The following CHST11 variants were observed in gnomAD, a reference collection of about 807,000 sequenced individuals.
The protein encoded by CHST11 is carbohydrate sulfotransferase 11, also known as C4S-1.
Under a neutral mutation model 30.4 loss-of-function variants are expected in CHST11, and 9 were observed. The observed-to-expected ratio is 0.30, with a 90% CI of 0.18 to 0.52. CHST11 has a LOEUF of 0.52. Among genes scored for constraint, CHST11 ranks in the 20% least tolerant of loss-of-function variants. The pLI is 0.97. For missense variants in CHST11, 348 were observed against 460.6 expected (o/e 0.76, Z 2.24); for synonymous variants, 152 against 187.8 (o/e 0.81, Z 1.56).
intron 1 of CHST11, among the ~76,000 whole-genome samples, chr12:104,464,018 A>T (rs926237112): frequency 2.0e-5 from 3 of 151,652 alleles, no homozygotes; most frequent in Admixed American, 1.3e-4. Context: ...GGCAAGGAAT[A>T]AGGGTGGAAG....
chr12:104,459,442 A>G (rs951711847), intron 1 of CHST11, among the ~76,000 whole-genome samples: 3 of 152,214 alleles, frequency 2.0e-5, no homozygotes, highest in Non-Finnish European at 4.4e-5. Context: ...AATGCCAGTA[A>G]TGCTCTGTAC....
At chr12:104,663,961 C>T (rs1050470510) in intron 2 of CHST11, among the ~76,000 whole-genome samples, 1 of 152,186 alleles carries the variant, frequency 6.6e-6, no homozygotes, top group Admixed American at 6.5e-5. Flanking sequence ...ATAATTTCAG[C>T]AGCCCCTGTC....
At chr12:104,744,885 ATTTT>A (rs1566062725) in intron 2 of CHST11, among the ~76,000 whole-genome samples, 6 of 125,566 alleles carry the variant, frequency 4.8e-5, no homozygotes, top group Non-Finnish European at 3.4e-5. Context: ...TTATTTATTT[ATTTT>A]TTGAGACAGA....
At chr12:104,489,201 T>C (rs988220741) in intron 1 of CHST11, among the ~76,000 whole-genome samples, 3 of 152,048 alleles carry the variant, frequency 2.0e-5, no homozygotes, top group Admixed American at 1.3e-4. Context: ...CATTCCCAGC[T>C]AATTTTTGTA....
chr12:104,608,710 G>C (rs541411216), intron 2 of CHST11, among the ~76,000 whole-genome samples: 2 of 152,124 alleles, frequency 1.3e-5, no homozygotes, highest in African/African-American at 4.8e-5. Context: ...AAGCATACAT[G>C]CTGAGGTTGT....
intron 2 of CHST11, among the ~76,000 whole-genome samples, chr12:104,721,089 C>G (rs149696379): frequency 3.3e-4 from 50 of 152,320 alleles, no homozygotes; most frequent in African/African-American, 1.2e-3. Flanking sequence ...AAGACTGAAA[C>G]CCACCCTGTG....
chr12:104,581,545 C>G (rs17035880), intron 1 of CHST11, among the ~76,000 whole-genome samples: 1 of 152,042 alleles, frequency 6.6e-6, no homozygotes, highest in East Asian at 1.9e-4. Flanking sequence ...GACTGGAAAC[C>G]GTTGATTTAA....
At chr12:104,550,058 T>C (rs2038390719) in intron 1 of CHST11, among the ~76,000 whole-genome samples, 1 of 152,220 alleles carries the variant, frequency 6.6e-6, no homozygotes, top group South Asian at 2.1e-4. Flanking sequence ...TCAGAATCGA[T>C]ACCTACCTGA....
intron 1 of CHST11, among the ~76,000 whole-genome samples, chr12:104,554,335 G>A (rs989460199): frequency 8.5e-5 from 13 of 152,152 alleles, no homozygotes; most frequent in African/African-American, 2.9e-4. Flanking sequence ...AACAGCATGT[G>A]CAAGGGCCAA....
At chr12:104,515,414 T>C (rs1486254830) in intron 1 of CHST11, among the ~76,000 whole-genome samples, 1 of 152,236 alleles carries the variant, frequency 6.6e-6, no homozygotes, top group Non-Finnish European at 1.5e-5. Flanking sequence ...AATCGCGTTC[T>C]ACACAGAGGT....
In CHST11 at chr12:104,722,155, A is replaced by AGTGTGTGTGTGTGTGTGTGTGTGT. The variant is rs57545833; in HGVS notation, c.205-34783_205-34760dup. 9.3e-4 allele frequency among the ~76,000 whole-genome samples: 128 copies of AGTGTGTGTGTGTGTGTGTGTGTGT among 137,584 alleles called. 4 individuals are homozygous for AGTGTGTGTGTGTGTGTGTGTGTGT. Among genetic ancestry groups the AGTGTGTGTGTGTGTGTGTGTGTGT allele is most frequent in the African/African-American group, 3.3e-3 (112 of 34,104 alleles). 90.3% of individuals were successfully genotyped at this position (137,584 alleles called of 152,430 possible). ...TGGCGCATACTACCACACTCAGCTA[A>AGTGTGTGTGTGTGTGTGTGTGTGT]GTGTGTGTGTGTGTGTGTGTGTGTG... is the stretch of plus-strand genomic sequence containing the variant. On this transcript the variant is annotated intron_variant, in intron 2 of 2. Transcript: ENST00000303694.
chr12:104,470,944 A>G (rs899007093), intron 1 of CHST11, among the ~76,000 whole-genome samples: 2 of 152,254 alleles, frequency 1.3e-5, no homozygotes, highest in Non-Finnish European at 2.9e-5. Context: ...TAAGTGGGAC[A>G]TTCAATGATA....
chr12:104,459,394 A>C (rs898611751), intron 1 of CHST11, among the ~76,000 whole-genome samples: 10 of 152,198 alleles, frequency 6.6e-5, no homozygotes, highest in Admixed American at 5.2e-4. Context: ...GATTTGGTCT[A>C]GACTCTAGAG....
intron 1 of CHST11, among the ~76,000 whole-genome samples, chr12:104,547,045 A>C (rs1237885793): frequency 6.6e-6 from 1 of 152,256 alleles, no homozygotes; most frequent in Non-Finnish European, 1.5e-5. Flanking sequence ...TAAAGCACTC[A>C]GGTCTTCGAC....
chr12:104,648,288 G>C (rs988470090), intron 2 of CHST11, among the ~76,000 whole-genome samples: 35 of 152,156 alleles, frequency 2.3e-4, no homozygotes, highest in African/African-American at 8.0e-4. Flanking sequence ...ACAAGTGCCT[G>C]ATCTACATTT....
intron 2 of CHST11, among the ~76,000 whole-genome samples, chr12:104,735,442 A>G (rs1462735607): frequency 6.6e-6 from 1 of 152,194 alleles, no homozygotes; most frequent in African/African-American, 2.4e-5. Flanking sequence ...GTTCTATAAG[A>G]GAGATGAGCC....
At chr12:104,496,262 C>G (rs977897914) in intron 1 of CHST11, among the ~76,000 whole-genome samples, 4 of 152,168 alleles carry the variant, frequency 2.6e-5, no homozygotes, top group African/African-American at 4.8e-5. Flanking sequence ...AAGGTTCACT[C>G]TTAGAGCCAC....
chr12:104,690,214 T>A (rs2039884655), intron 2 of CHST11, among the ~76,000 whole-genome samples: 1 of 152,224 alleles, frequency 6.6e-6, no homozygotes, highest in Non-Finnish European at 1.5e-5. Flanking sequence ...AGAATCCAGT[T>A]AATAGCTTTC....
intron 1 of CHST11, among the ~76,000 whole-genome samples, chr12:104,583,721 C>CTTTTTTTTTTTTT (rs1297368145): frequency 1.5e-3 from 15 of 10,108 alleles, no homozygotes; most frequent in Admixed American, 4.1e-3. Context: ...AGATCTCTCT[C>CTTTTTTTTTTTTT]TTTTTTTTGA....
Sources: gnomAD v4.1 joint callset for allele counts (sites outside exome capture counted in the v4.1 genomes callset) on GRCh38, gnomAD v4.1.1 for gene constraint, MANE v1.5 for transcripts, NCBI Gene and HGNC (gene_info 2026-07-23, HGNC 2026-07-21) for gene names.